The following WWOX variants were observed in gnomAD, a reference collection of about 807,000 sequenced individuals.
WWOX encodes the protein WW domain containing oxidoreductase.
WWOX carries 69 observed loss-of-function variants against 46.2 expected under a neutral mutation model. That is an observed-to-expected ratio of 1.49 (90% confidence interval 1.23 to 1.82). The LOEUF (loss-of-function observed/expected upper bound fraction) is 1.82. Among genes scored for constraint, WWOX ranks in the 40% most tolerant of loss-of-function variants. The pLI is 0.00. For missense variants in WWOX, 919 were observed against 542.6 expected (o/e 1.69, Z -6.89); for synonymous variants, 359 against 202.6 (o/e 1.77, Z -6.56).
At chr16:78,167,074 T>A (rs1237898032) in intron 5 of WWOX, 1 of 152,254 alleles carries the variant, frequency 6.6e-6, no homozygotes, top group Non-Finnish European at 1.5e-5. Flanking sequence ...ACATTCATGT[T>A]TAAACCAGTC....
At chr16:78,899,515 T>C (rs2044776164) in intron 8 of WWOX, 1 of 152,190 alleles carries the variant, frequency 6.6e-6, no homozygotes, top group Non-Finnish European at 1.5e-5. Context: ...TGTTAGTTAT[T>C]ATTTTAATAT....
At chr16:79,137,680 C>T (rs886912308) in intron 8 of WWOX, among the ~76,000 whole-genome samples, 1 of 152,082 alleles carries the variant, frequency 6.6e-6, no homozygotes, top group African/African-American at 2.4e-5. Context: ...CTTTTCTCCT[C>T]CCTCCTCCGT....
At chr16:78,985,803 C>T (rs1340442074) in intron 8 of WWOX, among the ~76,000 whole-genome samples, 1 of 152,142 alleles carries the variant, frequency 6.6e-6, no homozygotes, top group Non-Finnish European at 1.5e-5. Flanking sequence ...GACAATTTAC[C>T]TGGATCCTCA....
intron 8 of WWOX, among the ~76,000 whole-genome samples, chr16:78,538,371 T>G (rs2151522655): frequency 6.6e-6 from 1 of 152,294 alleles, no homozygotes; most frequent in African/African-American, 2.4e-5. Flanking sequence ...GTTTGTTTAA[T>G]ATTTTAATTT....
chr16:78,278,677 A>G, intron 5 of WWOX: 1 of 1,599,644 alleles, frequency 6.3e-7, no homozygotes. Context: ...AAAAAATAAA[A>G]GATCTTGAAT....
intron 8 of WWOX, among the ~76,000 whole-genome samples, chr16:78,593,736 AAGAGAG>A (rs10596104): frequency 3.3e-4 from 48 of 145,224 alleles, no homozygotes; most frequent in Non-Finnish European, 5.1e-4. Flanking sequence ...TAAAAAAAAA[AAGAGAG>A]AGAGAGAGAG....
Position 78,144,471 on chromosome 16 carries a change from A to ACG in WWOX, c.410-19712_410-19711insCG, listed in dbSNP as rs1428133443. On this transcript the variant is annotated intron_variant, in intron 4 of 8. Coordinates refer to ENST00000566780, the MANE Select transcript of WWOX (RefSeq NM_016373.4). ...TACACATATATATATATACACACAT[A>ACG]TATATATATATATATACACACACAC... is the stretch of plus-strand genomic sequence containing the variant. 1.1e-3 allele frequency among the ~76,000 whole-genome samples: 36 copies of ACG among 33,558 alleles called. 3 individuals are homozygous for ACG. Among genetic ancestry groups the ACG allele is most frequent in the African/African-American group, 2.4e-3 (15 of 6,234 alleles). 22.0% of individuals were successfully genotyped at this position (33,558 alleles called of 152,430 possible). A position where few individuals can be genotyped will look rare whatever the true frequency, so the allele number is the denominator to read the frequency against.
intron 8 of WWOX, among the ~76,000 whole-genome samples, chr16:78,610,292 A>C (rs1329153614): frequency 6.6e-6 from 1 of 152,188 alleles, no homozygotes; most frequent in Non-Finnish European, 1.5e-5. Context: ...TAGATGTGGC[A>C]TTTAATTTTT....
intron 8 of WWOX, among the ~76,000 whole-genome samples, chr16:78,655,809 T>C (rs928878112): frequency 1.3e-5 from 2 of 152,224 alleles, no homozygotes; most frequent in African/African-American, 2.4e-5. Flanking sequence ...TGAAGCCTTA[T>C]TTAGAAGTTA....
At chr16:78,719,177 T>C (rs2048636838) in intron 8 of WWOX, among the ~76,000 whole-genome samples, 1 of 152,190 alleles carries the variant, frequency 6.6e-6, no homozygotes, top group East Asian at 1.9e-4. Context: ...AAAGCCTGTT[T>C]TCTTGCCTGA....
intron 8 of WWOX, among the ~76,000 whole-genome samples, chr16:78,546,708 G>C (rs919199093): frequency 2.6e-5 from 4 of 152,160 alleles, no homozygotes; most frequent in African/African-American, 9.7e-5. Context: ...AAGTGCATCA[G>C]GTTCTTCTGG....
Position 79,059,796 on chromosome 16 carries a change from A to C in WWOX, c.1057-151812A>C, listed in dbSNP as rs562602199. ...AAAAAGTTGTTCTGCTAATTATCCTACCACGTGTGTCAGAGACAACATTAC... is the reference window on the plus strand; with the variant it reads ...AAAAAGTTGTTCTGCTAATTATCCTCCCACGTGTGTCAGAGACAACATTAC... On this transcript the variant is annotated intron_variant, in intron 8 of 8. Coordinates refer to ENST00000566780, the MANE Select transcript of WWOX (RefSeq NM_016373.4). 2.0e-5 allele frequency among the ~76,000 whole-genome samples: 3 copies of C among 152,304 alleles called. No individual in the cohort carries two copies. In the East Asian group the frequency reaches 5.8e-4, roughly 29 times the overall value.
chr16:78,843,429 T>C lies in WWOX; in HGVS notation c.1057-368179T>C, dbSNP rs1325484629. The stretch of plus-strand genomic sequence containing the variant: ...ATCGCCCATTCCTATGCTGCTAAGA[T>C]GCGAATGCCCAGCTCAGGGGATGAG... On this transcript the variant is annotated intron_variant, in intron 8 of 8. Transcript: ENST00000566780. Among the ~76,000 whole-genome samples, 10 of 149,974 alleles carry C rather than the reference T, an allele frequency of 6.7e-5. 1 individual carries two copies. Among genetic ancestry groups the C allele is most frequent in the Non-Finnish European group, 1.0e-4 (7 of 67,064 alleles).
intron 8 of WWOX, among the ~76,000 whole-genome samples, chr16:78,456,480 C>T (rs8062189): frequency 0.09 from 13,674 of 152,176 alleles, 1,568 homozygotes; most frequent in African/African-American, 0.27. Flanking sequence ...TACTTTGTCT[C>T]TTTTTGGTTT....
intron 8 of WWOX, among the ~76,000 whole-genome samples, chr16:78,436,043 G>A (rs562461424): frequency 3.9e-5 from 6 of 152,260 alleles, no homozygotes; most frequent in East Asian, 1.9e-4. Context: ...AAAACACCAC[G>A]TGTGCCAAGT....
At chr16:78,394,941 G>C (rs1448669615) in intron 6 of WWOX, among the ~76,000 whole-genome samples, 2 of 152,172 alleles carry the variant, frequency 1.3e-5, no homozygotes, top group African/African-American at 4.8e-5. Context: ...AAATCTCTCA[G>C]CGTCACTTTC....
intron 8 of WWOX, among the ~76,000 whole-genome samples, chr16:78,805,432 T>C (rs1368259003): frequency 6.6e-6 from 1 of 151,542 alleles, no homozygotes; most frequent in East Asian, 1.9e-4. Context: ...GGCTAATTTT[T>C]TTTTTTGTAT....
rs189050217 is a variant in WWOX at position 78,680,981 on chromosome 16, G to A, written c.1056+248229G>A. On this transcript the variant is annotated intron_variant, in intron 8 of 8. Coordinates refer to ENST00000566780, the MANE Select transcript of WWOX (RefSeq NM_016373.4). ...AAAAAAATTTAGGCCATACTTAGTG[G>A]CTCACGCCTGTAATCCCAGCACTTT... is the stretch of plus-strand genomic sequence containing the variant. 3.3e-4 allele frequency among the ~76,000 whole-genome samples: 50 copies of A among 152,284 alleles called. 1 individual carries two copies. In the East Asian group the frequency reaches 9.1e-3, roughly 28 times the overall value.
At chr16:79,114,401 T>A (rs539747678) in intron 8 of WWOX, among the ~76,000 whole-genome samples, 1 of 151,628 alleles carries the variant, frequency 6.6e-6, no homozygotes, top group East Asian at 2.0e-4. Flanking sequence ...TATCTACATG[T>A]ATGCACATAC....
Sources: gnomAD v4.1 joint callset for allele counts (sites outside exome capture counted in the v4.1 genomes callset) on GRCh38, gnomAD v4.1.1 for gene constraint, MANE v1.5 for transcripts, NCBI Gene and HGNC (gene_info 2026-07-23, HGNC 2026-07-21) for gene names.